STOX2: variants seen among roughly 807,000 people sequenced by gnomAD.
STOX2 encodes storkhead box 2, also known as storkhead-box protein 2.
STOX2 carries 28 observed loss-of-function variants against 60.9 expected under a neutral mutation model. The observed-to-expected ratio is 0.46, with a 90% CI of 0.34 to 0.63. The LOEUF is 0.63. STOX2 is among the 30% of genes least tolerant of loss of function. The probability of loss-of-function intolerance (pLI) is 0.01; values close to 1 mark genes in which losing one functional copy is unlikely to be tolerated. For synonymous variants in STOX2, 472 were observed against 463.9 expected, an observed-to-expected ratio of 1.02 and a Z score of -0.22; for missense variants, 1,024 against 1,187.7, an observed-to-expected ratio of 0.86 and a Z score of 2.03.
chr4:184,012,405 A>G (rs769145492), intron 3 of STOX2, among the ~76,000 whole-genome samples: 9 of 152,192 alleles, frequency 5.9e-5, no homozygotes, highest in Non-Finnish European at 1.0e-4. Flanking sequence ...TAATTTTAAC[A>G]TGGATTCAGA....
chr4:183,910,779 C>T (rs1167445732), intron 1 of STOX2, among the ~76,000 whole-genome samples: 1 of 152,118 alleles, frequency 6.6e-6, no homozygotes, highest in South Asian at 2.1e-4. Context: ...AAAGATAAAA[C>T]AAAAGCCCTA....
At chr4:183,891,358 TTATATATATATATATATATATATA>T (rs60300009) in intron 1 of STOX2, among the ~76,000 whole-genome samples, 5,137 of 85,182 alleles carry the variant, frequency 0.06, 219 homozygotes, top group South Asian at 0.15. Flanking sequence ...ATGATGGAAT[TTATATATATATATATATATATATA>T]TATATATATA....
intron 1 of STOX2, among the ~76,000 whole-genome samples, chr4:183,828,862 A>C (rs775529629): frequency 1.1e-4 from 17 of 152,218 alleles, no homozygotes; most frequent in Non-Finnish European, 1.6e-4. Context: ...AACCAAGATC[A>C]CACTTTAAAA....
chr4:183,846,010 T>A (rs1265967748), intron 1 of STOX2, among the ~76,000 whole-genome samples: 1 of 152,242 alleles, frequency 6.6e-6, no homozygotes, highest in African/African-American at 2.4e-5. Flanking sequence ...ACAAACCCTC[T>A]TGAGTTTTTG....
rs542769638 is a variant in STOX2 at position 184,017,253 on chromosome 4, A to T, written c.2750A>T (p.Asn917Ile). 2 of 1,602,198 alleles carry T rather than the reference A, an allele frequency of 1.2e-6. No individual in the cohort carries two copies. The highest frequency in any genetic ancestry group is 4.5e-5 in the East Asian group (2 of 44,458). Reference sequence around the variant, plus strand: ...GCTGAGAAGCTACAGAAACCTTCCAACTGCTTGCAAGCTTCTGTTACTAGC... The same window carrying T: ...GCTGAGAAGCTACAGAAACCTTCCATCTGCTTGCAAGCTTCTGTTACTAGC... ...NEAEKLQKPS[N>I]CLQASVTSV Residue 917 changes from asparagine to isoleucine, a missense_variant, in exon 4 of 4, where the codon AAC becomes ATC. Physicochemically the swap from Asn to Ile is moderately radical, Grantham distance 149. This residue lies in a region of STOX2 where 922 missense variants were observed against 1,058.3 expected (regional missense o/e 0.87). Transcript: ENST00000308497.
intron 1 of STOX2, among the ~76,000 whole-genome samples, chr4:183,807,024 G>A (rs905540038): frequency 1.3e-5 from 2 of 151,902 alleles, no homozygotes; most frequent in Admixed American, 6.6e-5. Flanking sequence ...CCAGGCTGGA[G>A]TGCAGTGGCG....
chr4:183,819,423 C>T (rs909600995), intron 1 of STOX2, among the ~76,000 whole-genome samples: 3 of 152,022 alleles, frequency 2.0e-5, no homozygotes, highest in Non-Finnish European at 4.4e-5. Flanking sequence ...CGCGCGCCCA[C>T]AATCGCAGGC....
chr4:183,841,179 GTATT>G (rs1553967298), intron 1 of STOX2, among the ~76,000 whole-genome samples: 7,112 of 147,790 alleles, frequency 0.048, 292 homozygotes, highest in African/African-American at 0.11. Context: ...TTTCATCGTA[GTATT>G]TATTTATTTA....
chr4:183,907,699 C>A (rs1251250398), intron 1 of STOX2, among the ~76,000 whole-genome samples: 1 of 152,066 alleles, frequency 6.6e-6, no homozygotes, highest in Non-Finnish European at 1.5e-5. Flanking sequence ...CCTGAAGGAG[C>A]CAGTTCTTTT....
chr4:183,962,283 C>G (rs1302945948), intron 1 of STOX2, among the ~76,000 whole-genome samples: 1 of 151,956 alleles, frequency 6.6e-6, no homozygotes, highest in Non-Finnish European at 1.5e-5. Flanking sequence ...TCTTAATCGT[C>G]ATAGGAAGAC....
At chr4:183,813,944 A>G (rs892497971) in intron 1 of STOX2, among the ~76,000 whole-genome samples, 2 of 152,234 alleles carry the variant, frequency 1.3e-5, no homozygotes, top group African/African-American at 4.8e-5. Flanking sequence ...AAATGTTCAT[A>G]TAGTTTGATG....
chr4:184,004,969 T>C (rs1733762543), intron 2 of STOX2, among the ~76,000 whole-genome samples: 1 of 152,218 alleles, frequency 6.6e-6, no homozygotes, highest in East Asian at 1.9e-4. Context: ...CTGGAGAATG[T>C]TAATAGATAC....
At chr4:183,914,157 G>A (rs1011890249) in intron 1 of STOX2, among the ~76,000 whole-genome samples, 2 of 152,182 alleles carry the variant, frequency 1.3e-5, no homozygotes, top group African/African-American at 2.4e-5. Context: ...AGGTGGAAAG[G>A]GTTATGAAGA....
chr4:183,838,024 C>T (rs1739757736), intron 1 of STOX2, among the ~76,000 whole-genome samples: 1 of 151,956 alleles, frequency 6.6e-6, no homozygotes, highest in African/African-American at 2.4e-5. Flanking sequence ...TAGAAAAATA[C>T]AGAAAATTAA....
At chr4:183,874,550 T>G (rs766727559) in intron 1 of STOX2, among the ~76,000 whole-genome samples, 7 of 152,242 alleles carry the variant, frequency 4.6e-5, no homozygotes, top group Admixed American at 1.3e-4. Flanking sequence ...GTACTTATTA[T>G]TCTAAGCAAT....
chr4:183,921,642 C>G (rs567429805), intron 1 of STOX2, among the ~76,000 whole-genome samples: 1 of 152,236 alleles, frequency 6.6e-6, no homozygotes, highest in Admixed American at 6.5e-5. Context: ...CCTACATAAT[C>G]CTTGGAATGT....
rs1269163729 is a variant in STOX2 at position 183,856,632 on chromosome 4, C to T, written c.364+58577C>T. On this transcript the variant is annotated intron_variant, in intron 1 of 2. Coordinates refer to the STOX2 transcript ENST00000513034. This position sits in a 1 kb window ranked among gnomAD's most constrained non-coding sequence, Gnocchi z 4.0. ...CTAATGGTAGGGTGGTTCATGTGAA[C>T]ATCGCTTTGCAGTTAGCTGTCTCGG... 6.6e-6 allele frequency among the ~76,000 whole-genome samples: 1 copy of T among 152,180 alleles called. No individual in the cohort carries two copies. The highest frequency in any genetic ancestry group is 1.5e-5 in the Non-Finnish European group (1 of 68,034).
intron 1 of STOX2, among the ~76,000 whole-genome samples, chr4:183,979,715 C>G (rs1011847159): frequency 2.6e-5 from 4 of 151,998 alleles, no homozygotes; most frequent in East Asian, 3.9e-4. Flanking sequence ...ATGACATAAA[C>G]TTTTTCTGCC....
At chr4:183,902,070 T>C (rs546835574), upstream of STOX2, among the ~76,000 whole-genome samples, 5 of 152,352 alleles carry the variant, frequency 3.3e-5, no homozygotes, top group South Asian at 8.3e-4. Context: ...CAGTACTCTA[T>C]TGGGCCTTTA....
Sources: allele counts gnomAD v4.1 joint callset (sites outside exome capture counted in the v4.1 genomes callset), GRCh38; gene constraint gnomAD v4.1.1; regional missense constraint gnomAD v4.1.1; non-coding constraint Gnocchi (gnomAD v3.1); transcripts MANE v1.5; gene names NCBI Gene and HGNC (gene_info 2026-07-23, HGNC 2026-07-21).